The following EPB41L4B variants were observed in gnomAD, a reference collection of about 807,000 sequenced individuals.
EPB41L4B encodes the protein erythrocyte membrane protein band 4.1 like 4B.
EPB41L4B carries 30 observed loss-of-function variants against 112.5 expected under a neutral mutation model. The observed-to-expected ratio is 0.27, with a 90% confidence interval of 0.20 to 0.36. The LOEUF (loss-of-function observed/expected upper bound fraction) is 0.36. EPB41L4B is among the 10% of genes least tolerant of loss of function. The pLI is 1.00. For missense variants in EPB41L4B, 1,024 were observed against 1,133.3 expected (o/e 0.90, Z 1.38); for synonymous variants, 408 against 439.7 (o/e 0.93, Z 0.90).
At chr9:109,312,857 C>A (rs74544861) in intron 1 of EPB41L4B, among the ~76,000 whole-genome samples, 4 of 152,260 alleles carry the variant, frequency 2.6e-5, no homozygotes, top group African/African-American at 9.6e-5. Context: ...CCATCTTCCA[C>A]GCGTTTCCAC....
intron 6 of EPB41L4B, among the ~76,000 whole-genome samples, chr9:109,260,723 T>C (rs1321157161): frequency 1.3e-5 from 2 of 152,192 alleles, no homozygotes; most frequent in Non-Finnish European, 2.9e-5. Flanking sequence ...CCAACAATTG[T>C]ATCTTAAAAT....
At chr9:109,218,129 T>C (rs1316554645) in intron 15 of EPB41L4B, among the ~76,000 whole-genome samples, 1 of 125,430 alleles carries the variant, frequency 8.0e-6, no homozygotes, top group Non-Finnish European at 1.8e-5. Flanking sequence ...AATAATTCTT[T>C]TTTTTTTTTT....
intron 15 of EPB41L4B, among the ~76,000 whole-genome samples, chr9:109,226,685 AATAT>A (rs1184832242): frequency 1.5e-5 from 1 of 65,184 alleles, no homozygotes; most frequent in African/African-American, 6.0e-5. Flanking sequence ...ATATATGAAG[AATAT>A]ATATATGAAT....
chr9:109,203,234 C>A (rs541153962), intron 19 of EPB41L4B, among the ~76,000 whole-genome samples: 43 of 152,238 alleles, frequency 2.8e-4, no homozygotes, highest in African/African-American at 9.9e-4. Context: ...GCAGGCAGGG[C>A]ACATCAATGG....
rs398011825 is a variant in EPB41L4B at position 109,298,327 on chromosome 9, T to TTC, written c.307-18407_307-18406insGA. Among the ~76,000 whole-genome samples the TTC allele has an allele frequency of 3.7e-3, 553 of 150,888 alleles. 4 individuals are homozygous for TTC. Among genetic ancestry groups the TTC allele is most frequent in the Non-Finnish European group, 4.7e-3 (315 of 67,576 alleles). The stretch of plus-strand genomic sequence containing the variant: ...AATCATATATGCTTTTTTTTTTTTT[T>TTC]CCCCAAGACAAGGTCTTGCTCTGTC... On this transcript the variant is annotated intron_variant, in intron 1 of 25. Coordinates refer to ENST00000374566, the MANE Select transcript of EPB41L4B (RefSeq NM_019114.5).
chr9:109,268,475 G>T (rs1211944060), intron 2 of EPB41L4B, 42 bp from the exon 3 acceptor site: 2 of 1,576,510 alleles, frequency 1.3e-6, no homozygotes, highest in East Asian at 2.3e-5. Flanking sequence ...TAGTTCATCA[G>T]CAAGGTTATT....
chr9:109,174,440 C>T lies in EPB41L4B; in HGVS notation c.*114G>A. On this transcript the variant is annotated 3_prime_UTR_variant, in exon 26 of 26. Coordinates refer to ENST00000374566, the MANE Select transcript of EPB41L4B (RefSeq NM_019114.5). The stretch of plus-strand genomic sequence containing the variant: ...AATTGGCTTCAACTAACCATGGAGA[C>T]CTGGGCGAACAGAGCACACACTTGT... 9.7e-7 allele frequency: 1 copy of T among 1,027,006 alleles called. No individual in the cohort carries two copies. Among genetic ancestry groups the T allele is most frequent in the Non-Finnish European group, 1.5e-6 (1 of 658,412 alleles). The allele number at this position is 1,027,006 out of a possible 1,614,324, so 63.6% of individuals were successfully genotyped here. A position where few individuals can be genotyped will look rare whatever the true frequency, so the allele number is the denominator to read the frequency against.
intron 15 of EPB41L4B, among the ~76,000 whole-genome samples, chr9:109,235,552 C>T (rs1213975131): frequency 6.6e-6 from 1 of 152,060 alleles, no homozygotes; most frequent in Admixed American, 6.5e-5. Context: ...CACACACCAC[C>T]ACGCCCGGCT....
rs1255438207 is a variant in EPB41L4B at position 109,182,730 on chromosome 9, G to A, written c.2486C>T (p.Thr829Ile). The change falls in exon 24 of 26, where the codon ACT becomes ATT. Residue 829 changes from threonine to isoleucine, a missense_variant and splice_region_variant. Thr to Ile is a moderately conservative substitution (Grantham distance 89). Transcript: ENST00000374566. Reference protein sequence around the residue: ...PDTFTTGPQFTADFRDSKLQC... With the variant: ...PDTFTTGPQFIADFRDSKLQC... Reference sequence around the variant, plus strand: ...CATCTGTTTTCTGGATCTACTTACAGTAAACTGTGGCCCTGTGGTGAAAGT... The same window carrying A: ...CATCTGTTTTCTGGATCTACTTACAATAAACTGTGGCCCTGTGGTGAAAGT... The A allele has an allele frequency of 6.2e-7, 1 of 1,609,316 alleles. No individual in the cohort carries two copies. Among genetic ancestry groups the A allele is most frequent in the Non-Finnish European group, 8.5e-7 (1 of 1,175,770 alleles).
At chr9:109,294,876 A>C (rs1836676686) in intron 1 of EPB41L4B, among the ~76,000 whole-genome samples, 1 of 152,200 alleles carries the variant, frequency 6.6e-6, no homozygotes, top group African/African-American at 2.4e-5. Context: ...AACACTTAAA[A>C]CAAAATCTTG....
At chr9:109,230,712 C>T (rs1045075006) in intron 15 of EPB41L4B, among the ~76,000 whole-genome samples, 6 of 152,008 alleles carry the variant, frequency 3.9e-5, no homozygotes, top group East Asian at 1.9e-4. Context: ...AATGGATTTT[C>T]GAAGAAAATT....
intron 15 of EPB41L4B, chr9:109,241,079 C>A (rs1834338038): frequency 1.0e-6 from 1 of 985,420 alleles, no homozygotes; most frequent in Non-Finnish European, 1.2e-6. Flanking sequence ...GTGGGTATTG[C>A]AGTTTTCCTT....
At chr9:109,315,550 C>G (rs1002163188) in intron 1 of EPB41L4B, among the ~76,000 whole-genome samples, 2 of 152,186 alleles carry the variant, frequency 1.3e-5, no homozygotes, top group African/African-American at 4.8e-5. Flanking sequence ...GCTGACCCTA[C>G]GCTTGACACC....
chr9:109,174,633 A>T lies in EPB41L4B; in HGVS notation c.2634-10T>A. 6.2e-7 allele frequency: 1 copy of T among 1,612,922 alleles called. No homozygotes were observed. Among genetic ancestry groups the T allele is most frequent in the Non-Finnish European group, 8.5e-7 (1 of 1,179,004 alleles). On this transcript the variant is annotated splice_polypyrimidine_tract_variant and intron_variant, in intron 25 of 25. Transcript: ENST00000374566. ...CCGGAGTGTCTCTGCACTAAAAAAAAGTATGTGACAAAATAGTGAGACAAT... is the reference window on the plus strand; with the variant it reads ...CCGGAGTGTCTCTGCACTAAAAAAATGTATGTGACAAAATAGTGAGACAAT...
rs772501899 is a variant in EPB41L4B at position 109,216,980 on chromosome 9, G to A, written c.1575C>T (p.Thr525=). Residue 525 remains threonine, a synonymous_variant, in exon 16 of 26, where the codon ACC becomes ACT. Coordinates refer to ENST00000374566, the MANE Select transcript of EPB41L4B (RefSeq NM_019114.5). ...QHHSNYSLSL[T]LENKEGPLRS... is the part of the protein sequence containing the mutation. ...TCAGAGGCCCCTCTTTGTTCTCCAG[G>A]GTCAGTGAGAGGCTGTAGTTTGAGT... The A allele has an allele frequency of 9.3e-6, 15 of 1,614,168 alleles. No individual in the cohort carries two copies. The highest frequency in any genetic ancestry group is 1.3e-5 in the Non-Finnish European group (15 of 1,180,032).
At position 109,320,153 on chromosome 9, in the gene EPB41L4B, G is replaced by T. The variant is rs1588249445; in HGVS notation, c.294C>A (p.Ser98Arg). The T allele has an allele frequency of 6.8e-7, 1 of 1,471,250 alleles. No homozygotes were observed. The highest frequency in any genetic ancestry group is 9.0e-7 in the Non-Finnish European group (1 of 1,109,044). 91.1% of individuals were successfully genotyped at this position (1,471,250 alleles called of 1,614,324 possible). The change falls in exon 1 of 26, where the codon AGC becomes AGA. Residue 98 changes from serine to arginine, a missense_variant. Transcript: ENST00000374566. ...RVFLLDGTEV[S>R]VDLPKHAKGQ... ...CCCCGTCACTCACCGGCAGGTCCAC[G>T]CTCACTTCGGTCCCGTCGAGCAGGA...
At chr9:109,268,669 C>T (rs7858372) in intron 2 of EPB41L4B, among the ~76,000 whole-genome samples, 3,468 of 152,006 alleles carry the variant, frequency 0.023, 108 homozygotes, top group African/African-American at 0.064. Flanking sequence ...GAGGCCGAGG[C>T]GGGCGGATCA....
At chr9:109,248,991 A>G (rs1056542260) in intron 13 of EPB41L4B, among the ~76,000 whole-genome samples, 8 of 151,150 alleles carry the variant, frequency 5.3e-5, no homozygotes, top group African/African-American at 1.7e-4. Flanking sequence ...CCCGGGAGGC[A>G]GAGCTGGCAG....
At chr9:109,229,097 CAAG>C (rs1300658656) in intron 15 of EPB41L4B, among the ~76,000 whole-genome samples, 1 of 152,068 alleles carries the variant, frequency 6.6e-6, no homozygotes, top group Non-Finnish European at 1.5e-5. Flanking sequence ...AGAATATCAA[CAAG>C]AAGAAGAAAA....
Sources: allele counts gnomAD v4.1 joint callset (sites outside exome capture counted in the v4.1 genomes callset), GRCh38; gene constraint gnomAD v4.1.1; transcripts MANE v1.5; gene names NCBI Gene and HGNC (gene_info 2026-07-23, HGNC 2026-07-21).